The following RPS6KC1 variants were observed in gnomAD, a reference collection of about 807,000 sequenced individuals.
RPS6KC1 encodes inactive ribosomal protein S6 kinase delta-1.
Under a neutral mutation model 103.8 loss-of-function variants are expected in RPS6KC1, and 54 were observed. That is an observed-to-expected ratio of 0.52 (90% CI 0.42 to 0.65). The LOEUF (loss-of-function observed/expected upper bound fraction) is 0.65, where lower values mean the gene tolerates loss of function less well. RPS6KC1 is among the 30% of genes least tolerant of loss of function. RPS6KC1 has a pLI of 0.00. For synonymous variants in RPS6KC1, 439 were observed against 438.7 expected, an observed-to-expected ratio of 1.00 and a Z score of -0.01; for missense variants, 1,151 against 1,253.8, an observed-to-expected ratio of 0.92 and a Z score of 1.24.
the RPS6KC1 span, among the ~76,000 whole-genome samples, chr1:213,751,260 G>C: frequency 5.3e-5 from 8 of 152,088 alleles, no homozygotes; most frequent in African/African-American, 7.2e-5. Context: ...GAACACAGGA[G>C]AGCATGCACA....
At chr1:213,800,696 A>G in the RPS6KC1 span, among the ~76,000 whole-genome samples, 1 of 152,222 alleles carries the variant, frequency 6.6e-6, no homozygotes, top group Non-Finnish European at 1.5e-5. Flanking sequence ...TATCCTGGTC[A>G]TAAGTCATCA....
the RPS6KC1 span, among the ~76,000 whole-genome samples, chr1:213,373,824 C>T: frequency 2.0e-5 from 3 of 152,196 alleles, no homozygotes; most frequent in African/African-American, 7.2e-5. Flanking sequence ...TGCCCTATCA[C>T]ATCCTCTTTG....
chr1:213,775,108 C>T, the RPS6KC1 span, among the ~76,000 whole-genome samples: 1 of 152,162 alleles, frequency 6.6e-6, no homozygotes, highest in African/African-American at 2.4e-5. Flanking sequence ...GTCTTTATCA[C>T]ACACTCTCTT....
the RPS6KC1 span, among the ~76,000 whole-genome samples, chr1:213,314,607 C>T: frequency 6.6e-6 from 1 of 151,540 alleles, no homozygotes. Flanking sequence ...CCTGTGAAGA[C>T]ACTTGATTAA....
the RPS6KC1 span, among the ~76,000 whole-genome samples, chr1:213,464,450 T>A: frequency 6.6e-6 from 1 of 152,208 alleles, no homozygotes; most frequent in Non-Finnish European, 1.5e-5. Context: ...ATAGTACCTT[T>A]TTCCATTTAC....
chr1:213,269,343 T>G (rs1241497728), intron 14 of RPS6KC1, among the ~76,000 whole-genome samples: 3 of 152,138 alleles, frequency 2.0e-5, no homozygotes, highest in Non-Finnish European at 2.9e-5. Context: ...ATAGACAATT[T>G]AGTAATAGTA....
chr1:213,468,585 G>A, the RPS6KC1 span, among the ~76,000 whole-genome samples: 1 of 151,942 alleles, frequency 6.6e-6, no homozygotes, highest in Non-Finnish European at 1.5e-5. Context: ...CAGAATTGTG[G>A]TTAATACAAA....
At chr1:213,415,801 T>A in the RPS6KC1 span, among the ~76,000 whole-genome samples, 1 of 152,328 alleles carries the variant, frequency 6.6e-6, no homozygotes, top group South Asian at 2.1e-4. Flanking sequence ...AGCCTGTAAT[T>A]ACCTCGCTTC....
intron 12 of RPS6KC1, among the ~76,000 whole-genome samples, chr1:213,260,659 T>C (rs903218617): frequency 1.5e-4 from 22 of 151,324 alleles, no homozygotes; most frequent in Non-Finnish European, 2.8e-4. Flanking sequence ...TTTTTTTTTT[T>C]CAGTCAATTG....
At chr1:213,377,877 A>T in the RPS6KC1 span, among the ~76,000 whole-genome samples, 60 of 152,372 alleles carry the variant, frequency 3.9e-4, no homozygotes, top group Non-Finnish European at 7.1e-4. Flanking sequence ...CAAACCTTGA[A>T]TAAATAGGAA....
chr1:213,235,955 G>C (rs561130653), intron 10 of RPS6KC1, among the ~76,000 whole-genome samples: 16 of 149,180 alleles, frequency 1.1e-4, no homozygotes, highest in Admixed American at 1.0e-3. Context: ...TAGTGTGTAG[G>C]TCAGGGGTCT....
At chr1:213,714,685 G>A in the RPS6KC1 span, among the ~76,000 whole-genome samples, 1 of 152,322 alleles carries the variant, frequency 6.6e-6, no homozygotes, top group Admixed American at 6.5e-5. Flanking sequence ...AAAACAAGGA[G>A]GGCCCTATTC....
chr1:213,572,776 T>G, the RPS6KC1 span, among the ~76,000 whole-genome samples: 1 of 152,184 alleles, frequency 6.6e-6, no homozygotes, highest in Non-Finnish European at 1.5e-5. Flanking sequence ...AAGCATATAC[T>G]GTTAATTTCT....
the RPS6KC1 span, among the ~76,000 whole-genome samples, chr1:213,649,107 C>T: frequency 6.6e-6 from 1 of 152,058 alleles, no homozygotes; most frequent in Non-Finnish European, 1.5e-5. Context: ...GAGGGCTCAC[C>T]ATTGCCCTGG....
the RPS6KC1 span, among the ~76,000 whole-genome samples, chr1:213,290,245 A>C: frequency 2.7e-3 from 416 of 152,216 alleles, 3 homozygotes; most frequent in African/African-American, 9.5e-3. Flanking sequence ...GCAAAGGCCA[A>C]CGTGAGCCAC....
At chr1:213,441,359 C>T in the RPS6KC1 span, among the ~76,000 whole-genome samples, 1 of 152,172 alleles carries the variant, frequency 6.6e-6, no homozygotes, top group Non-Finnish European at 1.5e-5. Flanking sequence ...TAAAAACTGA[C>T]TTCCTCTGTA....
the RPS6KC1 span, among the ~76,000 whole-genome samples, chr1:213,672,767 G>A: frequency 2.6e-5 from 4 of 152,142 alleles, no homozygotes; most frequent in Non-Finnish European, 5.9e-5. Flanking sequence ...ATAACCAACA[G>A]TGGGCTAGAT....
At chr1:213,534,250 G>A in the RPS6KC1 span, among the ~76,000 whole-genome samples, 1 of 152,130 alleles carries the variant, frequency 6.6e-6, no homozygotes, top group Non-Finnish European at 1.5e-5. Flanking sequence ...CTCTTATCCA[G>A]GTCAAGCCTG....
the RPS6KC1 span, among the ~76,000 whole-genome samples, chr1:213,415,745 A>G: frequency 1.1e-4 from 17 of 152,290 alleles, no homozygotes; most frequent in African/African-American, 3.6e-4. Context: ...CATTATTATA[A>G]AAAACTCCAG....
Sources: gnomAD v4.1 joint callset for allele counts (sites outside exome capture counted in the v4.1 genomes callset) on GRCh38, gnomAD v4.1.1 for gene constraint, MANE v1.5 for transcripts, NCBI Gene and HGNC (gene_info 2026-07-23, HGNC 2026-07-21) for gene names.